EXD3: variants seen among roughly 807,000 people sequenced by gnomAD.
EXD3 encodes the protein exonuclease mut-7 homolog.
In EXD3, 92 loss-of-function variants were observed where a neutral mutation model predicts 98.0. That is an observed-to-expected ratio of 0.94 (90% confidence interval 0.79 to 1.12). The LOEUF is 1.12. Among genes scored for constraint, EXD3 ranks in the 50% most tolerant of loss-of-function variants. The pLI, the probability that EXD3 is intolerant of heterozygous loss-of-function variation, is 0.00. For synonymous variants in EXD3, 569 were observed against 526.0 expected, an observed-to-expected ratio of 1.08 and a Z score of -1.12; for missense variants, 1,222 against 1,191.6, an observed-to-expected ratio of 1.03 and a Z score of -0.38.
At chr9:137,350,982 A>C (rs1276986539) in intron 14 of EXD3, 56 bp downstream of exon 14, 2 of 1,471,232 alleles carry the variant, frequency 1.4e-6, no homozygotes, top group Non-Finnish European at 1.9e-6. Context: ...GGCCCCAAGC[A>C]GCCCTCGAAC....
chr9:137,328,572 T>C (rs1832636976), intron 17 of EXD3, among the ~76,000 whole-genome samples: 1 of 145,708 alleles, frequency 6.9e-6, no homozygotes, highest in African/African-American at 2.6e-5. Context: ...ACAGACTAGT[T>C]ACACAGGAGC....
intron 3 of EXD3, among the ~76,000 whole-genome samples, chr9:137,382,244 G>A (rs1424075099): frequency 1.3e-5 from 2 of 148,434 alleles, no homozygotes; most frequent in African/African-American, 5.1e-5. Flanking sequence ...AATGCCTGAC[G>A]GCCTCATGGC....
intron 4 of EXD3, among the ~76,000 whole-genome samples, 154 bp downstream of exon 4, chr9:137,373,272 C>A (rs536981919): frequency 8.1e-6 from 1 of 124,204 alleles, no homozygotes; most frequent in Non-Finnish European, 1.8e-5. Flanking sequence ...GGTGAAGCCA[C>A]GGGCTGAGTC....
At chr9:137,412,330 A>G (rs1218017560) in intron 1 of EXD3, among the ~76,000 whole-genome samples, 1 of 152,256 alleles carries the variant, frequency 6.6e-6, no homozygotes, top group Non-Finnish European at 1.5e-5. Flanking sequence ...TCTCTGTGAC[A>G]GCTTTTTATA....
intron 7 of EXD3, among the ~76,000 whole-genome samples, chr9:137,362,549 G>A (rs928809483): frequency 3.3e-5 from 5 of 150,062 alleles, no homozygotes; most frequent in East Asian, 1.9e-4. Context: ...TCCCCGGAGC[G>A]CAGCAGTGCA....
At position 137,349,546 on chromosome 9, in the gene EXD3, C is replaced by G. The variant is rs754133010; in HGVS notation, c.1495-15G>C. 2.6e-6 allele frequency: 4 copies of G among 1,561,596 alleles called. No individual in the cohort carries two copies. The highest frequency in any genetic ancestry group is 3.5e-6 in the Non-Finnish European group (4 of 1,154,778). On this transcript the variant is annotated splice_polypyrimidine_tract_variant and intron_variant, in intron 14 of 21. Coordinates refer to ENST00000340951, the MANE Select transcript of EXD3 (RefSeq NM_017820.5). This position sits in a 1 kb window ranked among gnomAD's most constrained non-coding sequence, Gnocchi z 7.4. ...GCCACCCGCATCTGCTAAGACAGTG[C>G]CCTGCAGGGTAACGCGTCTGGCCCT...
intron 7 of EXD3, among the ~76,000 whole-genome samples, chr9:137,356,663 A>G (rs1377436697): frequency 1.3e-5 from 2 of 152,208 alleles, no homozygotes; most frequent in African/African-American, 4.8e-5. Context: ...GACTCCCGAA[A>G]TAACAGTATT....
intron 2 of EXD3, among the ~76,000 whole-genome samples, chr9:137,391,015 C>T (rs1836876566): frequency 6.6e-6 from 1 of 152,236 alleles, no homozygotes; most frequent in Non-Finnish European, 1.5e-5. Flanking sequence ...GGTGTCCACA[C>T]CTCTGGGGGA....
At position 137,311,446 on chromosome 9, in the gene EXD3, C is replaced by T. The variant is rs146596522; in HGVS notation, c.2185-1746G>A. The stretch of plus-strand genomic sequence containing the variant: ...GTGCCAGTGGGTGTAGGAGAGGTGG[C>T]GAGGCTGCAGCAGTGCGGGATGGGC... On this transcript the variant is annotated intron_variant, in intron 19 of 21. Coordinates refer to ENST00000340951, the MANE Select transcript of EXD3 (RefSeq NM_017820.5). Among the ~76,000 whole-genome samples the T allele has an allele frequency of 6.6e-5, 10 of 152,122 alleles. No homozygotes were observed. The South Asian group carries it at 1.2e-3, about 19-fold the overall frequency.
intron 1 of EXD3, among the ~76,000 whole-genome samples, chr9:137,406,616 G>C (rs376642426): frequency 1.3e-5 from 2 of 152,326 alleles, no homozygotes; most frequent in Middle Eastern, 3.4e-3. Context: ...AGACGGCAGC[G>C]GCATTAGTGG....
chr9:137,382,523 G>T lies in EXD3; in HGVS notation c.120+790C>A, dbSNP rs545603561. On this transcript the variant is annotated intron_variant, in intron 3 of 21. Coordinates refer to ENST00000340951, the MANE Select transcript of EXD3 (RefSeq NM_017820.5). ...GGAACGGCAGAGGGAAATCTCAAAAGCAAGGACAGAGATTCACAAGCTGGA... is the reference window on the plus strand; with the variant it reads ...GGAACGGCAGAGGGAAATCTCAAAATCAAGGACAGAGATTCACAAGCTGGA... Among the ~76,000 whole-genome samples the T allele has an allele frequency of 4.1e-4, 63 of 152,314 alleles. 1 individual carries two copies. The highest frequency in any genetic ancestry group is 1.3e-3 in the African/African-American group (56 of 41,556).
chr9:137,357,717 T>A (rs1834864789), intron 7 of EXD3, among the ~76,000 whole-genome samples: 1 of 139,600 alleles, frequency 7.2e-6, no homozygotes, highest in Non-Finnish European at 1.5e-5. Flanking sequence ...TACATATATA[T>A]ATTATATACA....
intron 17 of EXD3, among the ~76,000 whole-genome samples, chr9:137,346,238 CAAAAAAAAAAAAAAA>C (rs563761495): frequency 7.3e-5 from 1 of 13,622 alleles, no homozygotes; most frequent in South Asian, 3.4e-3. Flanking sequence ...GACTCCGTCT[CAAAAAAAAAAAAAAA>C]AAAAAAAAAA....
intron 17 of EXD3, among the ~76,000 whole-genome samples, chr9:137,333,892 C>T (rs1187448151): frequency 6.6e-6 from 1 of 151,902 alleles, no homozygotes; most frequent in Non-Finnish European, 1.5e-5. Flanking sequence ...GGCTGGAGTA[C>T]AGTGCAGTGA....
At chr9:137,354,920 A>C in intron 8 of EXD3, 147 bp from the exon 9 acceptor site, 3 of 769,172 alleles carry the variant, frequency 3.9e-6, no homozygotes, top group Non-Finnish European at 6.1e-6. Context: ...CCTCCTCACC[A>C]CCTGGGCCTC....
chr9:137,338,361 CA>C (rs1466546759), intron 17 of EXD3, among the ~76,000 whole-genome samples: 7 of 152,016 alleles, frequency 4.6e-5, no homozygotes, highest in Non-Finnish European at 7.4e-5. Flanking sequence ...CACTGTATAT[CA>C]AAACTGATAT....
intron 5 of EXD3, among the ~76,000 whole-genome samples, chr9:137,369,114 G>C (rs1185505009): frequency 1.4e-5 from 2 of 141,854 alleles, no homozygotes; most frequent in Non-Finnish European, 1.6e-5. Context: ...GGGCGTGGGA[G>C]TCTCGGAGTC....
intron 19 of EXD3, among the ~76,000 whole-genome samples, chr9:137,320,522 G>C (rs570330670): frequency 3.3e-5 from 5 of 152,200 alleles, no homozygotes; most frequent in African/African-American, 1.2e-4. Flanking sequence ...GGCAGCTTGG[G>C]GGTTGCAGGG....
intron 1 of EXD3, among the ~76,000 whole-genome samples, chr9:137,410,640 G>A (rs142204630): frequency 5.5e-4 from 84 of 152,132 alleles, no homozygotes; most frequent in Non-Finnish European, 1.1e-3. Flanking sequence ...CTGGCCCCAC[G>A]ATCCACACCC....
Sources: gnomAD v4.1 joint callset for allele counts (sites outside exome capture counted in the v4.1 genomes callset) on GRCh38, gnomAD v4.1.1 for gene constraint, Gnocchi (gnomAD v3.1) non-coding constraint, MANE v1.5 for transcripts, NCBI Gene and HGNC (gene_info 2026-07-23, HGNC 2026-07-21) for gene names.